Variants in MYBBP1A observed in about 807,000 individuals in gnomAD.
The protein encoded by MYBBP1A is MYB binding protein 1a, also known as myb-binding protein 1A.
Under a neutral mutation model 136.3 loss-of-function variants are expected in MYBBP1A, and 147 were observed. The ratio of observed to expected loss-of-function variants is 1.08; its 90% CI spans 0.94 to 1.24. MYBBP1A has a LOEUF of 1.24. Ranked by LOEUF, MYBBP1A falls within the 50% of genes most tolerant of loss-of-function variation. The pLI is 0.00. For missense variants in MYBBP1A, 2,060 were observed against 1,727.4 expected, an observed-to-expected ratio of 1.19 and a Z score of -3.41; for synonymous variants, 947 against 735.8, an observed-to-expected ratio of 1.29 and a Z score of -4.65.
In MYBBP1A at chr17:4,548,009, C is replaced by T. The variant is rs1218440114; in HGVS notation, c.1773G>A (p.Arg591=). Residue 591 remains arginine (R), a synonymous_variant, in exon 13 of 26, where the codon AGG becomes AGA. Transcript: ENST00000254718. This position sits in a 1 kb window ranked among gnomAD's most constrained non-coding sequence, Gnocchi z 4.2. The part of the protein sequence containing the change: ...KELEAHSAEA[R]AAAFQHLLLL... ...GCAGAAGGTGCTGGAAGGCAGCAGC[C>T]CTGGCCTCTGCGGAGTGGGCCTCCA... 6.5e-7 allele frequency: 1 copy of T among 1,545,150 alleles called. No individual in the cohort carries two copies. The highest frequency in any genetic ancestry group is 8.7e-7 in the Non-Finnish European group (1 of 1,144,338).
At position 4,540,382 on chromosome 17, in the gene MYBBP1A, G is replaced by A; in HGVS notation, c.3400C>T (p.Leu1134Phe). Residue 1134 changes from leucine to phenylalanine, a missense_variant, in exon 25 of 26, where the codon CTC (leucine) becomes TTC (phenylalanine). Coordinates refer to ENST00000254718, the MANE Select transcript of MYBBP1A (RefSeq NM_014520.4). ...HSTGSSRLHD[L>F]YWQAMKTLGV... ...AGGGTTTTCATGGCCTGCCAGTAGA[G>A]GTCGTGCAGGCGGCTGGAGCCGGTG... 2 of 1,609,892 alleles carry A rather than the reference G, an allele frequency of 1.2e-6. No individual in the cohort carries two copies. Among genetic ancestry groups the A allele is most frequent in the Non-Finnish European group, 1.7e-6 (2 of 1,179,816 alleles).
chr17:4,540,046 G>T, intron 25 of MYBBP1A, 79 bp from the exon 26 acceptor site: 8 of 1,481,398 alleles, frequency 5.4e-6, no homozygotes, highest in Non-Finnish European at 6.4e-6. Context: ...CCTCCACCTG[G>T]ATTCTGAGGG....
In MYBBP1A at chr17:4,539,321, G is replaced by A; in HGVS notation, c.*94C>T. ...CCCCAGTGGCAGCGCCTTAGAAACAGCTTGCGTATTAAAATCATGGTTTAA... is the reference window on the plus strand; with the variant it reads ...CCCCAGTGGCAGCGCCTTAGAAACAACTTGCGTATTAAAATCATGGTTTAA... On this transcript the variant is annotated 3_prime_UTR_variant, in exon 26 of 26. Transcript: ENST00000254718. 2 of 1,497,028 alleles carry A rather than the reference G, an allele frequency of 1.3e-6. No individual in the cohort carries two copies. The highest frequency in any genetic ancestry group is 1.4e-5 in the African/African-American group (1 of 70,760). 92.7% of individuals were successfully genotyped at this position (1,497,028 alleles called of 1,614,324 possible). A position where few individuals can be genotyped will look rare whatever the true frequency, so the allele number is the denominator to read the frequency against.
At chr17:4,540,943 G>GTCCCGGGCCCCGTCCCGGGCCCCGTC (rs57696318) in intron 24 of MYBBP1A, among the ~76,000 whole-genome samples, 4 of 152,158 alleles carry the variant, frequency 2.6e-5, no homozygotes, top group Non-Finnish European at 4.4e-5. Flanking sequence ...CCCGGGCCCC[G>GTCCCGGGCCCCGTCCCGGGCCCCGTC]CCTCTGCCTG....
Position 4,552,518 on chromosome 17 carries a change from TCTG to T in MYBBP1A, c.667_669del (p.Gln223del). ...AGCTTCTTGAGCTTGGAGGGCACCT[TCTG>T]CTGGGCCAGGAGGAAGAGCTCTAGC... On this transcript the variant is annotated inframe_deletion, in exon 6 of 26. Coordinates refer to ENST00000254718, the MANE Select transcript of MYBBP1A (RefSeq NM_014520.4). The surrounding 1 kb of genome is among the most constrained non-coding windows in gnomAD (Gnocchi z 4.7). 6.2e-7 allele frequency: 1 copy of T among 1,613,938 alleles called. No homozygotes were observed. Among genetic ancestry groups the T allele is most frequent in the Non-Finnish European group, 8.5e-7 (1 of 1,180,026 alleles).
chr17:4,544,719 C>T (rs754444952), intron 18 of MYBBP1A, 32 bp downstream of exon 18: 13 of 274,834 alleles, frequency 4.7e-5, no homozygotes, highest in South Asian at 7.2e-5. Context: ...CACAGGGAGG[C>T]GGGGGTGGGT....
Position 4,548,967 on chromosome 17 carries a change from G to T in MYBBP1A, c.1431-318C>A, listed in dbSNP as rs754750804. Among the ~76,000 whole-genome samples the T allele has an allele frequency of 6.6e-6, 1 of 152,254 alleles. No individual in the cohort carries two copies. Among genetic ancestry groups the T allele is most frequent in the African/African-American group, 2.4e-5 (1 of 41,466 alleles). ...GGCCAAGTCAGGTCACTGCTCCTGC[G>T]AACATGGGACAGCCCCCTCTTGCAA... is the stretch of plus-strand genomic sequence containing the variant. On this transcript the variant is annotated intron_variant, in intron 10 of 25. Coordinates refer to ENST00000254718, the MANE Select transcript of MYBBP1A (RefSeq NM_014520.4). This position sits in a 1 kb window ranked among gnomAD's most constrained non-coding sequence, Gnocchi z 4.2.
At position 4,545,121 on chromosome 17, in the gene MYBBP1A, C is replaced by T. The variant is rs768515194; in HGVS notation, c.2215G>A (p.Glu739Lys). Residue 739 changes from glutamate (E) to lysine (K), a missense_variant, in exon 17 of 26, where the codon GAG becomes AAG. Glu to Lys is a moderately conservative substitution (Grantham distance 56, BLOSUM62 1). Coordinates refer to ENST00000254718, the MANE Select transcript of MYBBP1A (RefSeq NM_014520.4). ...NRSSESEEES[E>K]GEESEEEERD... ...TCCTCCTCCTCGCTCTCCTCCCCCT[C>T]GCTCTCCTCTTCACTCTCTGAGCTT... 2.0e-5 allele frequency: 32 copies of T among 1,611,550 alleles called. No individual in the cohort carries two copies. The highest frequency in any genetic ancestry group is 2.5e-5 in the Non-Finnish European group (30 of 1,179,142).
In MYBBP1A at chr17:4,551,895, G is replaced by A. The variant is rs543129007; in HGVS notation, c.1008C>T (p.His336=). The A allele has an allele frequency of 8.1e-6, 13 of 1,613,392 alleles. No individual in the cohort carries two copies. In the Admixed American group the frequency reaches 1.0e-4, roughly 12 times the overall value. ...QGDVIRHYGE[H]VCTAKLPKQF... ...CATTACCCACCTTAGCAGTGCACAC[G>A]TGCTCCCCGTAATGGCGGATCACGT... The change falls in exon 8 of 26, where the codon CAC becomes CAT. Residue 336 remains histidine (H), a synonymous_variant. Transcript: ENST00000254718.
rs1319826340 is a variant in MYBBP1A, at chr17:4,548,997, G to C, written c.1430+335C>G. Among the ~76,000 whole-genome samples, 2 of 152,272 alleles carry C rather than the reference G, an allele frequency of 1.3e-5. No homozygotes were observed. The highest frequency in any genetic ancestry group is 2.9e-5 in the Non-Finnish European group (2 of 68,042). ...TGGGACAGCCCCCTCTTGCAACCGTGCATGTTGAGGGTGACGTGAGCACCC... is the reference window on the plus strand; with the variant it reads ...TGGGACAGCCCCCTCTTGCAACCGTCCATGTTGAGGGTGACGTGAGCACCC... On this transcript the variant is annotated intron_variant, in intron 10 of 25. Coordinates refer to ENST00000254718, the MANE Select transcript of MYBBP1A (RefSeq NM_014520.4). This position sits in a 1 kb window ranked among gnomAD's most constrained non-coding sequence, Gnocchi z 4.2.
rs746461256 is a variant in MYBBP1A at position 4,544,822 on chromosome 17, T to C, written c.2410A>G (p.Ile804Val). Residue 804 changes from isoleucine to valine, a missense_variant, in exon 18 of 26, where the codon ATC (isoleucine) becomes GTC (valine). Ile to Val is a conservative substitution (Grantham distance 29). Transcript: ENST00000254718. The stretch of plus-strand genomic sequence containing the variant: ...TTCTTCTCGTCTCGCCGGGCCTGGA[T>C]ACGCAGCTTCTGCTCGGCAAAGAGG... ...ASLFAEQKLR[I>V]QARRDEKNKL... is the part of the protein sequence containing the mutation. 18 of 1,605,998 alleles carry C rather than the reference T, an allele frequency of 1.1e-5. No homozygotes were observed. Among genetic ancestry groups the C allele is most frequent in the East Asian group, 4.5e-5 (2 of 44,566 alleles).
rs760334620 is a variant in MYBBP1A at position 4,548,657 on chromosome 17, G to A, written c.1431-8C>T. On this transcript the variant is annotated splice_polypyrimidine_tract_variant and splice_region_variant and intron_variant, in intron 10 of 25. Transcript: ENST00000254718. The surrounding 1 kb of genome is among the most constrained non-coding windows in gnomAD (Gnocchi z 4.2). ...GAGTGGAACAAACAAAACCTGGGGA[G>A]GGTGGGAGAGTGGCCATAGCCATTC... 5 of 1,614,076 alleles carry A rather than the reference G, an allele frequency of 3.1e-6. No homozygotes were observed. Among genetic ancestry groups the A allele is most frequent in the East Asian group, 2.2e-5 (1 of 44,876 alleles).
At chr17:4,553,473 T>G (rs1234606950) in intron 5 of MYBBP1A, among the ~76,000 whole-genome samples, 2 of 152,236 alleles carry the variant, frequency 1.3e-5, no homozygotes, top group African/African-American at 4.8e-5. Flanking sequence ...GCTGAGCGCC[T>G]GAAAGGTGGC....
chr17:4,550,204 G>A lies in MYBBP1A; in HGVS notation c.1173C>T (p.Phe391=). 2.5e-6 allele frequency: 4 copies of A among 1,613,884 alleles called. No homozygotes were observed. The South Asian group carries it at 4.4e-5, about 18-fold the overall frequency. ...GGCTCAGGAACCGCACGACCCGCCA[G>A]AAAGTAGGCGTGACAGGGAGGCCTT... ...TNQGLPVTPT[F]WRVVRFLSPP... is the part of the protein sequence containing the mutation. Residue 391 remains phenylalanine (F), a synonymous_variant, in exon 9 of 26, where the codon TTC becomes TTT. Transcript: ENST00000254718.
At position 4,548,599 on chromosome 17, in the gene MYBBP1A, A is replaced by G; in HGVS notation, c.1481T>C (p.Ile494Thr). 1 of 1,614,146 alleles carries G rather than the reference A, an allele frequency of 6.2e-7. No individual in the cohort carries two copies. The highest frequency in any genetic ancestry group is 2.2e-5 in the East Asian group (1 of 44,870). The change falls in exon 11 of 26, where the codon ATC becomes ACC. Residue 494 changes from isoleucine to threonine, a missense_variant. By Grantham distance (89) the Ile-to-Thr change is moderately conservative. Coordinates refer to ENST00000254718, the MANE Select transcript of MYBBP1A (RefSeq NM_014520.4). The surrounding 1 kb of genome is among the most constrained non-coding windows in gnomAD (Gnocchi z 4.2). ...GGAGAACGGGTGCTTTGTCTCAGGG[A>G]TCTGGGATGTGGGCTTCTTTGTGAC... ...FFVTKKPTSQ[I>T]PETKHPFSFP...
chr17:4,541,721 G>A (rs893685374), intron 23 of MYBBP1A, 63 bp downstream of exon 23: 3 of 1,516,532 alleles, frequency 2.0e-6, no homozygotes, highest in African/African-American at 1.4e-5. Flanking sequence ...TTCTTTCCCA[G>A]AGATCGGTCT....
Position 4,544,739 on chromosome 17 carries a change from C to T in MYBBP1A, c.2481+12G>A. 6.5e-7 allele frequency: 1 copy of T among 1,532,446 alleles called. No homozygotes were observed. The highest frequency in any genetic ancestry group is 8.8e-7 in the Non-Finnish European group (1 of 1,140,200). The allele number at this position is 1,532,446 out of a possible 1,614,324, so 94.9% of individuals were successfully genotyped here. On this transcript the variant is annotated intron_variant, in intron 18 of 25. Coordinates refer to ENST00000254718, the MANE Select transcript of MYBBP1A (RefSeq NM_014520.4). ...GGAGGCGGGGGTGGGTGCGGCCCGC[C>T]CCCAGGCTCACCCGGATCTGGAAGT... is the stretch of plus-strand genomic sequence containing the variant.
In MYBBP1A at chr17:4,555,199, A is replaced by C; in HGVS notation, c.126T>G (p.Ile42Met). 1 of 1,610,118 alleles carries C rather than the reference A, an allele frequency of 6.2e-7. No homozygotes were observed. Among genetic ancestry groups the C allele is most frequent in the Non-Finnish European group, 8.5e-7 (1 of 1,178,590 alleles). The change falls in exon 1 of 26, where the codon ATT becomes ATG. Residue 42 changes from isoleucine (I) to methionine (M), a missense_variant. Ile to Met is a conservative substitution (Grantham distance 10). Coordinates refer to ENST00000254718, the MANE Select transcript of MYBBP1A (RefSeq NM_014520.4). The part of the protein sequence containing the change: ...SREFLDFFWD[I>M]AKPEQETRLA... ...GTCGCGTCTCCTGCTCAGGCTTCGC[A>C]ATGTCCCAGAAGAAGTCCAAGAACT...
rs751960198 is a variant in MYBBP1A at position 4,541,814 on chromosome 17, C to T, written c.3165G>A (p.Leu1055=). ...SCFEDPEWKQ[L]MGQVLAKVTE... ...TGACCTTTGCTAGGACCTGGCCCAT[C>T]AGCTGCTTCCACTCGGGGTCCTCAA... Residue 1055 remains leucine (L), a synonymous_variant, in exon 23 of 26, where the codon CTG becomes CTA. Transcript: ENST00000254718. 28 of 1,614,030 alleles carry T rather than the reference C, an allele frequency of 1.7e-5. No homozygotes were observed. Among genetic ancestry groups the T allele is most frequent in the Non-Finnish European group, 2.4e-5 (28 of 1,180,044 alleles).
Sources: gnomAD v4.1 joint callset for allele counts (sites outside exome capture counted in the v4.1 genomes callset) on GRCh38, gnomAD v4.1.1 for gene constraint, Gnocchi (gnomAD v3.1) non-coding constraint, MANE v1.5 for transcripts, NCBI Gene and HGNC (gene_info 2026-07-23, HGNC 2026-07-21) for gene names.